The following HS3ST3A1 variants were observed in gnomAD, a reference collection of about 807,000 sequenced individuals.
The protein encoded by HS3ST3A1 is heparan sulfate glucosamine 3-O-sulfotransferase 3A1.
HS3ST3A1 carries 19 observed loss-of-function variants against 25.7 expected under a neutral mutation model. The ratio of observed to expected loss-of-function variants is 0.74; its 90% CI spans 0.52 to 1.08. The LOEUF (loss-of-function observed/expected upper bound fraction) is 1.08. HS3ST3A1 is among the 50% of genes least tolerant of loss of function. The pLI is 0.00. For synonymous variants in HS3ST3A1, 226 were observed against 278.6 expected (o/e 0.81, Z 1.88); for missense variants, 459 against 594.3 (o/e 0.77, Z 2.37).
chr17:13,574,127 T>C (rs1907888059), intron 1 of HS3ST3A1, among the ~76,000 whole-genome samples: 1 of 146,252 alleles, frequency 6.8e-6, no homozygotes, highest in South Asian at 2.2e-4. Context: ...CCCATTGCCA[T>C]ATCACTCTTT....
At chr17:13,501,170 G>A (rs1177405859) in intron 1 of HS3ST3A1, among the ~76,000 whole-genome samples, 1 of 152,174 alleles carries the variant, frequency 6.6e-6, no homozygotes, top group Non-Finnish European at 1.5e-5. Context: ...GATTAAAAGA[G>A]TTGTGGGGAT....
At chr17:13,562,318 A>G (rs548580680) in intron 1 of HS3ST3A1, among the ~76,000 whole-genome samples, 1 of 152,250 alleles carries the variant, frequency 6.6e-6, no homozygotes, top group Admixed American at 6.5e-5. Context: ...TGCAAGAGGC[A>G]GGGACAGACG....
intron 1 of HS3ST3A1, among the ~76,000 whole-genome samples, chr17:13,511,761 T>C (rs1905868803): frequency 6.6e-6 from 1 of 151,758 alleles, no homozygotes; most frequent in Non-Finnish European, 1.5e-5. Flanking sequence ...TAAATATGTT[T>C]GAGATTTAAT....
At chr17:13,522,535 G>A (rs77821267) in intron 1 of HS3ST3A1, among the ~76,000 whole-genome samples, 3,087 of 152,262 alleles carry the variant, frequency 0.02, 57 homozygotes, top group Non-Finnish European at 0.033. Flanking sequence ...GAGTCTATAT[G>A]CTGAAGGAAA....
chr17:13,600,502 C>A, intron 1 of HS3ST3A1, 29 bp downstream of exon 1: 12 of 1,557,270 alleles, frequency 7.7e-6, no homozygotes, highest in Non-Finnish European at 9.5e-6. Context: ...CCGGATCCTT[C>A]AGCCCCAGCC....
chr17:13,597,916 T>C (rs1296844132), intron 1 of HS3ST3A1, among the ~76,000 whole-genome samples: 2 of 152,182 alleles, frequency 1.3e-5, no homozygotes, highest in African/African-American at 4.8e-5. Flanking sequence ...TGTCCCTTTG[T>C]GAGGACAGTA....
intron 1 of HS3ST3A1, among the ~76,000 whole-genome samples, chr17:13,509,759 C>T (rs1905802457): frequency 6.6e-6 from 1 of 152,206 alleles, no homozygotes; most frequent in African/African-American, 2.4e-5. Flanking sequence ...TAGAAATCCC[C>T]TAATCCAGCT....
chr17:13,587,326 C>A (rs963357581), intron 1 of HS3ST3A1, among the ~76,000 whole-genome samples: 2 of 152,030 alleles, frequency 1.3e-5, no homozygotes, highest in East Asian at 3.9e-4. Flanking sequence ...TGGTGGCGTG[C>A]GCCTGTAGTC....
chr17:13,596,886 C>T (rs1370248944), intron 1 of HS3ST3A1, among the ~76,000 whole-genome samples: 2 of 152,094 alleles, frequency 1.3e-5, no homozygotes, highest in African/African-American at 4.8e-5. Flanking sequence ...ATCGAAAGGG[C>T]CTCTGCTCAG....
intron 1 of HS3ST3A1, among the ~76,000 whole-genome samples, chr17:13,598,232 A>G (rs1017101674): frequency 5.8e-4 from 88 of 152,008 alleles, no homozygotes; most frequent in African/African-American, 2.1e-3. Context: ...GCTAAAATGC[A>G]CTTAATATTT....
chr17:13,584,906 A>G (rs967168863), intron 1 of HS3ST3A1, among the ~76,000 whole-genome samples: 1 of 152,162 alleles, frequency 6.6e-6, no homozygotes, highest in Non-Finnish European at 1.5e-5. Flanking sequence ...CTTCTGACAC[A>G]TTTCCATTTA....
chr17:13,539,723 C>T (rs1353420809), intron 1 of HS3ST3A1, among the ~76,000 whole-genome samples: 5 of 131,322 alleles, frequency 3.8e-5, no homozygotes, highest in East Asian at 2.1e-4. Flanking sequence ...TCGAAAGAGA[C>T]GTTAGCTTCC....
intron 1 of HS3ST3A1, among the ~76,000 whole-genome samples, chr17:13,528,692 G>A (rs1906512367): frequency 6.6e-6 from 1 of 152,178 alleles, no homozygotes; most frequent in South Asian, 2.1e-4. Flanking sequence ...CAAACAAAGT[G>A]GCATGCAATG....
At chr17:13,534,521 T>C (rs892350360) in intron 1 of HS3ST3A1, among the ~76,000 whole-genome samples, 3 of 111,534 alleles carry the variant, frequency 2.7e-5, no homozygotes, top group African/African-American at 3.6e-5. Context: ...CTGGGTAACA[T>C]GGTGAAACTT....
At chr17:13,574,494 G>A (rs926617192) in intron 1 of HS3ST3A1, among the ~76,000 whole-genome samples, 19 of 151,516 alleles carry the variant, frequency 1.3e-4, no homozygotes, top group Admixed American at 2.6e-4. Context: ...TGAGACAGGC[G>A]GATCACGAGG....
chr17:13,524,951 A>G (rs1906363186), intron 1 of HS3ST3A1, among the ~76,000 whole-genome samples: 2 of 152,224 alleles, frequency 1.3e-5, no homozygotes, highest in Non-Finnish European at 2.9e-5. Flanking sequence ...TATACCCTTG[A>G]TTATTAAAAA....
At chr17:13,569,636 A>G (rs1479134999) in intron 1 of HS3ST3A1, among the ~76,000 whole-genome samples, 2 of 152,168 alleles carry the variant, frequency 1.3e-5, no homozygotes, top group East Asian at 3.9e-4. Context: ...ATCTCTCTAT[A>G]CAACCAGTAG....
chr17:13,498,184 G>A (rs931097176), intron 1 of HS3ST3A1, among the ~76,000 whole-genome samples: 3 of 152,156 alleles, frequency 2.0e-5, no homozygotes, highest in Non-Finnish European at 4.4e-5. Context: ...GGATTAATAA[G>A]TATTCCTGCT....
At chr17:13,536,478 T>C (rs1960044409) in intron 1 of HS3ST3A1, among the ~76,000 whole-genome samples, 1 of 152,178 alleles carries the variant, frequency 6.6e-6, no homozygotes, top group Admixed American at 6.5e-5. Flanking sequence ...AGAGAGTGGG[T>C]ATTCCCCTCT....
Sources: allele counts gnomAD v4.1 joint callset (sites outside exome capture counted in the v4.1 genomes callset), GRCh38; gene constraint gnomAD v4.1.1; transcripts MANE v1.5; gene names NCBI Gene and HGNC (gene_info 2026-07-23, HGNC 2026-07-21).